The following ECHDC2 variants were observed in gnomAD, a reference collection of about 807,000 sequenced individuals.
ECHDC2 encodes the protein enoyl-CoA hydratase domain-containing protein 2, mitochondrial.
In ECHDC2, 34 loss-of-function variants were observed where a neutral mutation model predicts 40.6. The ratio of observed to expected loss-of-function variants is 0.84; its 90% confidence interval spans 0.64 to 1.11. The LOEUF (loss-of-function observed/expected upper bound fraction) is 1.11. ECHDC2 is among the 50% of genes most tolerant of loss of function. The pLI, the probability that ECHDC2 is intolerant of heterozygous loss-of-function variation, is 0.00. For synonymous variants in ECHDC2, 162 were observed against 166.6 expected, an observed-to-expected ratio of 0.97 and a Z score of 0.21; for missense variants, 392 against 400.7, an observed-to-expected ratio of 0.98 and a Z score of 0.19.
Position 52,914,311 on chromosome 1 carries a change from A to C in ECHDC2, c.122-2521T>G, listed in dbSNP as rs2150066515. ...ATGTAAGAGTGCATGTGTGCATGTA[A>C]GTGTGCATGCATGGGTGCATATGTG... On this transcript the variant is annotated intron_variant, in intron 1 of 9. Transcript: ENST00000371522. The surrounding 1 kb of genome is among the most constrained non-coding windows in gnomAD (Gnocchi z 4.0). 6.6e-6 allele frequency among the ~76,000 whole-genome samples: 1 copy of C among 152,266 alleles called. No individual in the cohort carries two copies. The highest frequency in any genetic ancestry group is 1.9e-4 in the East Asian group (1 of 5,186).
At chr1:52,915,102 A>T (rs556143300) in intron 1 of ECHDC2, 40 of 404,794 alleles carry the variant, frequency 9.9e-5, no homozygotes, top group African/African-American at 6.7e-4. Flanking sequence ...TGTGGGGAAG[A>T]GAGATGGGCT....
At chr1:52,921,504 C>T (rs774108131) in intron 1 of ECHDC2, 49 bp downstream of exon 1, 1 of 1,571,240 alleles carries the variant, frequency 6.4e-7, no homozygotes, top group Non-Finnish European at 8.6e-7. Flanking sequence ...CCGCTGCCTC[C>T]GGCCTAGTCC....
At chr1:52,907,993 T>TGGC in intron 3 of ECHDC2, 39 bp from the exon 4 acceptor site, 1 of 1,597,506 alleles carries the variant, frequency 6.3e-7, no homozygotes, top group South Asian at 1.1e-5. Flanking sequence ...CTTAGGAAAA[T>TGGC]GGCACTTTAC....
At position 52,907,923 on chromosome 1, in the gene ECHDC2, A is replaced by G. The variant is rs975189335; in HGVS notation, c.309T>C (p.Ser103=). 6.2e-7 allele frequency: 1 copy of G among 1,612,418 alleles called. No homozygotes were observed. The highest frequency in any genetic ancestry group is 8.5e-7 in the Non-Finnish European group (1 of 1,179,714). The change falls in exon 4 of 10, where the codon AGT becomes AGC. Residue 103 remains serine (S), a synonymous_variant. Coordinates refer to ENST00000371522, the MANE Select transcript of ECHDC2 (RefSeq NM_001198961.2). ...GGACAAACACCCCCACCTCTGCTTC[A>G]CTCATCTGTTCCCGCTCCTTCAGGT... ...GADLKEREQM[S]EAEVGVFVQR...
intron 4 of ECHDC2, 124 bp downstream of exon 4, chr1:52,907,744 C>A: frequency 1.2e-6 from 1 of 812,078 alleles, no homozygotes; most frequent in South Asian, 1.8e-5. Context: ...CTGGGTGAGT[C>A]ATCTGTCTTA....
intron 1 of ECHDC2, among the ~76,000 whole-genome samples, chr1:52,917,294 A>G (rs1650928761): frequency 6.6e-6 from 1 of 152,086 alleles, no homozygotes; most frequent in South Asian, 2.1e-4. Flanking sequence ...TTTACTATAC[A>G]GAAGAGGAAA....
chr1:52,919,055 T>G (rs918507449), intron 1 of ECHDC2, among the ~76,000 whole-genome samples: 3 of 152,176 alleles, frequency 2.0e-5, no homozygotes, highest in Non-Finnish European at 2.9e-5. Flanking sequence ...ATGTGAGGAA[T>G]CTAGGTTGTT....
rs750157864 is a variant in ECHDC2, at chr1:52,905,096, CAGAT to C, written c.458-10_458-7del. On this transcript the variant is annotated splice_polypyrimidine_tract_variant and splice_region_variant and intron_variant, in intron 5 of 9. Transcript: ENST00000371522. ...TCCCATGACTGCCGAGGAAGCTGCT[CAGAT>C]AGAACAAAGTGAGGCCTCCCTCCCC... The C allele has an allele frequency of 1.2e-4, 199 of 1,614,080 alleles. 3 individuals are homozygous for C. The South Asian group carries it at 2.0e-3, about 16-fold the overall frequency.
chr1:52,916,989 C>T (rs926925653), intron 1 of ECHDC2, among the ~76,000 whole-genome samples: 3 of 151,706 alleles, frequency 2.0e-5, no homozygotes, highest in East Asian at 1.9e-4. Context: ...TTTGGGAGGC[C>T]GAGGCGGGTG....
At chr1:52,913,550 C>T (rs1452614603) in intron 1 of ECHDC2, 2 of 152,216 alleles carry the variant, frequency 1.3e-5, no homozygotes, top group Non-Finnish European at 2.9e-5. Flanking sequence ...TCCACTTGAT[C>T]GTTTTCTGCT....
chr1:52,904,856 G>T (rs1557489440), intron 6 of ECHDC2, 23 bp from the exon 7 acceptor site: 10 of 1,605,222 alleles, frequency 6.2e-6, no homozygotes, highest in Non-Finnish European at 8.5e-6. Context: ...AGGGAGCAGG[G>T]TGGGAATCAG....
chr1:52,902,309 A>G (rs1042838595), intron 7 of ECHDC2, among the ~76,000 whole-genome samples: 2 of 152,214 alleles, frequency 1.3e-5, no homozygotes, highest in African/African-American at 4.8e-5. Context: ...GGCATGAGCC[A>G]CCATGCCCAG....
intron 5 of ECHDC2, chr1:52,906,175 T>G: frequency 2.7e-6 from 1 of 375,122 alleles, no homozygotes; most frequent in Non-Finnish European, 5.2e-6. Context: ...AGGCTCACCT[T>G]TTTCCGAAAC....
chr1:52,896,819 C>G (rs1646665036), intron 9 of ECHDC2: 1 of 538,322 alleles, frequency 1.9e-6, no homozygotes. Context: ...CAGCATTAGC[C>G]TCCACTTGCA....
At chr1:52,904,165 T>G (rs988175738) in intron 7 of ECHDC2, among the ~76,000 whole-genome samples, 5 of 152,128 alleles carry the variant, frequency 3.3e-5, no homozygotes, top group Admixed American at 6.6e-5. Flanking sequence ...GTAGGAAATA[T>G]GGGTTGGAAG....
chr1:52,917,486 A>G, intron 1 of ECHDC2: 1 of 448,702 alleles, frequency 2.2e-6, no homozygotes, highest in South Asian at 1.6e-5. Context: ...ATAAGCAGAA[A>G]GGAAGGAAGA....
At chr1:52,908,994 C>T (rs562641) in intron 3 of ECHDC2, among the ~76,000 whole-genome samples, 98,954 of 148,528 alleles carry the variant, frequency 0.67, 34,143 homozygotes, top group African/African-American at 0.84. Flanking sequence ...TGAGGAGATA[C>T]ACAGATGGTC....
chr1:52,911,972 A>G, intron 1 of ECHDC2, 182 bp from the exon 2 acceptor site: 1 of 1,435,080 alleles, frequency 7.0e-7, no homozygotes, highest in Non-Finnish European at 9.1e-7. Context: ...AAATGGAGAG[A>G]AAAACCCTTG....
Position 52,921,415 on chromosome 1 carries a change from G to A in ECHDC2, c.121+138C>T, listed in dbSNP as rs536250355. The A allele has an allele frequency of 7.1e-4, 1,013 of 1,427,262 alleles. 3 individuals are homozygous for A. Among genetic ancestry groups the A allele is most frequent in the Admixed American group, 3.8e-3 (132 of 34,970 alleles). The allele number at this position is 1,427,262 out of a possible 1,614,324, so 88.4% of individuals were successfully genotyped here. On this transcript the variant is annotated intron_variant, in intron 1 of 9. Transcript: ENST00000371522. ...CCGCCCACCTCTCAGGCCTGGAGCGGTTTGGGGCGCCTAGAACTGGGAGGG... is the reference window on the plus strand; with the variant it reads ...CCGCCCACCTCTCAGGCCTGGAGCGATTTGGGGCGCCTAGAACTGGGAGGG...
Sources: allele counts gnomAD v4.1 joint callset (sites outside exome capture counted in the v4.1 genomes callset), GRCh38; gene constraint gnomAD v4.1.1; non-coding constraint Gnocchi (gnomAD v3.1); transcripts MANE v1.5; gene names NCBI Gene and HGNC (gene_info 2026-07-23, HGNC 2026-07-21).